LGSN: variants seen among roughly 807,000 people sequenced by gnomAD.
LGSN encodes lengsin, lens protein with glutamine synthetase domain, also known as lengsin.
In LGSN, 21 loss-of-function variants were observed where a neutral mutation model predicts 19.5. The ratio of observed to expected loss-of-function variants is 1.07; its 90% CI spans 0.76 to 1.55. The LOEUF (loss-of-function observed/expected upper bound fraction) is 1.55, where lower values mean the gene tolerates loss of function less well. Ranked by LOEUF, LGSN falls within the 40% of genes most tolerant of loss-of-function variation. LGSN has a pLI of 0.00. For missense variants in LGSN, 673 were observed against 608.5 expected (o/e 1.11, Z -1.12); for synonymous variants, 257 against 215.6 (o/e 1.19, Z -1.68).
chr6:63,512,626 T>C, the LGSN span, among the ~76,000 whole-genome samples: 1 of 152,172 alleles, frequency 6.6e-6, no homozygotes, highest in Non-Finnish European at 1.5e-5. Context: ...CTACCATGAT[T>C]AGCTTAGATC....
the LGSN span, among the ~76,000 whole-genome samples, chr6:63,556,555 G>A: frequency 6.6e-6 from 1 of 152,142 alleles, no homozygotes; most frequent in South Asian, 2.1e-4. Flanking sequence ...TCAGGGCGTG[G>A]TTTCTGTATG....
At chr6:63,370,829 A>T in the LGSN span, among the ~76,000 whole-genome samples, 1 of 152,250 alleles carries the variant, frequency 6.6e-6, no homozygotes, top group Non-Finnish European at 1.5e-5. Flanking sequence ...CAAAATTTTT[A>T]AAATGCTATG....
the LGSN span, among the ~76,000 whole-genome samples, chr6:63,346,238 G>A: frequency 6.6e-6 from 1 of 151,896 alleles, no homozygotes; most frequent in South Asian, 2.1e-4. Context: ...GTGGGCGTCT[G>A]CATGGAGGTT....
chr6:63,313,872 A>G (rs1190375051), intron 1 of LGSN, among the ~76,000 whole-genome samples: 2 of 149,260 alleles, frequency 1.3e-5, no homozygotes, highest in African/African-American at 2.5e-5. Flanking sequence ...AAATAAATAC[A>G]TACATACATA....
chr6:63,554,431 C>T, the LGSN span, among the ~76,000 whole-genome samples: 120 of 152,306 alleles, frequency 7.9e-4, no homozygotes, highest in East Asian at 7.5e-3. Flanking sequence ...CCTCCACTCC[C>T]ACATTACAAC....
chr6:63,389,233 A>T, the LGSN span, among the ~76,000 whole-genome samples: 7 of 152,226 alleles, frequency 4.6e-5, no homozygotes, highest in African/African-American at 1.4e-4. Context: ...ATCTATTAAT[A>T]TAAGAACAAA....
the LGSN span, among the ~76,000 whole-genome samples, chr6:63,455,567 C>A: frequency 1.3e-5 from 2 of 151,860 alleles, no homozygotes; most frequent in Admixed American, 1.3e-4. Context: ...CCAGCCTGAC[C>A]AACATGATGA....
the LGSN span, among the ~76,000 whole-genome samples, chr6:63,358,181 C>T: frequency 6.6e-6 from 1 of 152,140 alleles, no homozygotes; most frequent in Non-Finnish European, 1.5e-5. Context: ...TGTTCTGTTC[C>T]ATTGGTCCAT....
the LGSN span, among the ~76,000 whole-genome samples, chr6:63,541,639 C>T: frequency 4.6e-5 from 7 of 152,126 alleles, no homozygotes; most frequent in Non-Finnish European, 8.8e-5. Context: ...TCATCTATCA[C>T]CCCTTGATTG....
chr6:63,465,037 A>C, the LGSN span, among the ~76,000 whole-genome samples: 2,518 of 151,632 alleles, frequency 0.017, 227 homozygotes, highest in Admixed American at 0.14. Flanking sequence ...AAAAAAAAAA[A>C]AAAAAACTTC....
intron 1 of LGSN, among the ~76,000 whole-genome samples, chr6:63,304,654 G>A (rs572790929): frequency 6.6e-6 from 1 of 152,176 alleles, no homozygotes; most frequent in East Asian, 1.9e-4. Flanking sequence ...AGGAACCTTG[G>A]CTAAGGAGCA....
chr6:63,434,345 C>CAGGA, the LGSN span, among the ~76,000 whole-genome samples: 3 of 149,762 alleles, frequency 2.0e-5, no homozygotes. Flanking sequence ...GAGGCTGAGG[C>CAGGA]AGGAGACTTA....
At chr6:63,372,412 C>G in the LGSN span, among the ~76,000 whole-genome samples, 1 of 152,170 alleles carries the variant, frequency 6.6e-6, no homozygotes, top group South Asian at 2.1e-4. Context: ...TACTGTCTTT[C>G]CTAACTCACT....
the LGSN span, among the ~76,000 whole-genome samples, chr6:63,472,792 T>C: frequency 6.6e-6 from 1 of 151,590 alleles, no homozygotes; most frequent in African/African-American, 2.4e-5. Context: ...TACAAAAAAA[T>C]TAGCCGGGCG....
chr6:63,438,514 A>G, the LGSN span, among the ~76,000 whole-genome samples: 3 of 152,296 alleles, frequency 2.0e-5, no homozygotes, highest in Admixed American at 6.5e-5. Flanking sequence ...ACAAGAAAAA[A>G]ACAAACAACC....
the LGSN span, among the ~76,000 whole-genome samples, chr6:63,513,033 C>A: frequency 6.6e-6 from 1 of 152,164 alleles, no homozygotes; most frequent in South Asian, 2.1e-4. Flanking sequence ...TCAGTGTTTG[C>A]CCAGAGAAAT....
the LGSN span, among the ~76,000 whole-genome samples, chr6:63,372,435 A>G: frequency 1.3e-5 from 2 of 152,110 alleles, no homozygotes; most frequent in African/African-American, 4.8e-5. Context: ...AAATAAATTG[A>G]TCTGAATTTT....
the LGSN span, among the ~76,000 whole-genome samples, chr6:63,457,636 G>C: frequency 1.3e-5 from 2 of 152,186 alleles, no homozygotes; most frequent in African/African-American, 4.8e-5. Flanking sequence ...CCAGAACTTT[G>C]GGAGGCCGAG....
chr6:63,345,724 C>T, the LGSN span, among the ~76,000 whole-genome samples: 89 of 152,236 alleles, frequency 5.8e-4, no homozygotes, highest in African/African-American at 2.1e-3. Context: ...AATCACATGG[C>T]GACCTTACTC....
Sources: allele counts gnomAD v4.1 joint callset (sites outside exome capture counted in the v4.1 genomes callset), GRCh38; gene constraint gnomAD v4.1.1; transcripts MANE v1.5; gene names NCBI Gene and HGNC (gene_info 2026-07-23, HGNC 2026-07-21).